The following ATP2C1 variants were observed in gnomAD, a reference collection of about 807,000 sequenced individuals.
The protein encoded by ATP2C1 is ATPase secretory pathway Ca2+ transporting 1.
ATP2C1 carries 31 observed loss-of-function variants against 120.5 expected under a neutral mutation model. The ratio of observed to expected loss-of-function variants is 0.26; its 90% CI spans 0.19 to 0.35. The LOEUF (loss-of-function observed/expected upper bound fraction) is 0.35, where lower values mean the gene tolerates loss of function less well. Ranked by LOEUF, ATP2C1 falls within the 10% of genes least tolerant of loss-of-function variation. The pLI is 1.00. For missense variants in ATP2C1, 731 were observed against 1,107.5 expected, an observed-to-expected ratio of 0.66 and a Z score of 4.83; for synonymous variants, 351 against 358.7, an observed-to-expected ratio of 0.98 and a Z score of 0.24.
intron 16 of ATP2C1, 37 bp downstream of exon 16, chr3:130,967,456 C>T: frequency 6.6e-7 from 1 of 1,525,646 alleles, no homozygotes; most frequent in Non-Finnish European, 9.1e-7. Flanking sequence ...ACATTTGAGA[C>T]ACTGCCCTCA....
chr3:130,994,909 G>A (rs62282196), intron 22 of ATP2C1, among the ~76,000 whole-genome samples: 2 of 152,136 alleles, frequency 1.3e-5, no homozygotes, highest in African/African-American at 2.4e-5. Context: ...TCAGCTAAAT[G>A]AATGAGATAA....
At chr3:131,016,160 C>G in exon 27 of ATP2C1, 4 of 1,613,782 alleles carry the variant, frequency 2.5e-6, no homozygotes, top group Non-Finnish European at 3.4e-6. Flanking sequence ...AGGTCTGGCT[C>G]TGGGAGAGGA....
intron 2 of ATP2C1, among the ~76,000 whole-genome samples, chr3:130,910,082 C>T (rs2058325942): frequency 1.3e-5 from 2 of 152,080 alleles, no homozygotes; most frequent in Admixed American, 1.3e-4. Context: ...GGTATATTGC[C>T]TCTTCTCGTT....
At chr3:131,014,033 A>C in intron 26 of ATP2C1, 1 of 1,488,438 alleles carries the variant, frequency 6.7e-7, no homozygotes, top group Non-Finnish European at 9.1e-7. Context: ...TATTAAATAC[A>C]TCTAGTTTGA....
chr3:130,981,086 A>G (rs2061737196), intron 20 of ATP2C1, among the ~76,000 whole-genome samples: 1 of 152,120 alleles, frequency 6.6e-6, no homozygotes, highest in African/African-American at 2.4e-5. Context: ...CGCCCATTTT[A>G]GTGTATAGTT....
At chr3:130,932,894 T>C (rs996520735) in intron 4 of ATP2C1, among the ~76,000 whole-genome samples, 1 of 152,230 alleles carries the variant, frequency 6.6e-6, no homozygotes, top group African/African-American at 2.4e-5. Flanking sequence ...TTTGCCAGGC[T>C]TAATTTTGCG....
At chr3:130,937,247 A>G (rs1314223435) in intron 5 of ATP2C1, among the ~76,000 whole-genome samples, 181 bp from the exon 6 acceptor site, 2 of 152,216 alleles carry the variant, frequency 1.3e-5, no homozygotes, top group African/African-American at 4.8e-5. Flanking sequence ...ATGGCAAGCC[A>G]CTGTAAACTG....
At chr3:130,920,803 C>T (rs1318066112) in intron 2 of ATP2C1, among the ~76,000 whole-genome samples, 3 of 151,992 alleles carry the variant, frequency 2.0e-5, no homozygotes, top group Non-Finnish European at 4.4e-5. Context: ...CTTAACAAAA[C>T]GTGAGCATAG....
At chr3:130,999,391 C>T in intron 26 of ATP2C1, 127 bp from the exon 27 acceptor site, 2 of 855,016 alleles carry the variant, frequency 2.3e-6, no homozygotes, top group Non-Finnish European at 3.8e-6. Context: ...TAAGATATTT[C>T]ATAGAATTGA....
rs2060765104 is a variant in ATP2C1 at position 130,960,352 on chromosome 3, A to G, written c.899+1011A>G. 2.0e-5 allele frequency among the ~76,000 whole-genome samples: 3 copies of G among 152,182 alleles called. No individual in the cohort carries two copies. The South Asian group carries it at 6.2e-4, about 32-fold the overall frequency. The stretch of plus-strand genomic sequence containing the variant: ...ACTCAAGTACAAGGAGATAAGGTCA[A>G]CCTTGTGAGTGTGGGATCTACCTTG... On this transcript the variant is annotated intron_variant, in intron 12 of 27. Transcript: ENST00000510168.
chr3:130,869,814 A>T (rs1335946343), intron 1 of ATP2C1, among the ~76,000 whole-genome samples: 1 of 152,234 alleles, frequency 6.6e-6, no homozygotes, highest in Non-Finnish European at 1.5e-5. Context: ...GTTTAAGGAA[A>T]GAAGCAATCT....
At chr3:130,940,718 TCTGCCC>T in intron 7 of ATP2C1, 27 bp downstream of exon 7, 1 of 1,561,548 alleles carries the variant, frequency 6.4e-7, no homozygotes, top group Non-Finnish European at 8.8e-7. Flanking sequence ...GGTATGGATT[TCTGCCC>T]CTTTAAAAAT....
chr3:130,869,864 TGGA>T (rs1260669487), intron 1 of ATP2C1, among the ~76,000 whole-genome samples: 1 of 152,222 alleles, frequency 6.6e-6, no homozygotes, highest in African/African-American at 2.4e-5. Context: ...CAAGGAGTGA[TGGA>T]GAAGTGGCAG....
chr3:130,996,636 G>C (rs372449282), intron 23 of ATP2C1, 44 bp from the exon 24 acceptor site: 1 of 1,288,198 alleles, frequency 7.8e-7, no homozygotes, highest in Non-Finnish European at 1.1e-6. Context: ...AGAATCAACA[G>C]ATTTACTCTA....
chr3:130,874,223 ACAGT>A (rs1241075644), intron 1 of ATP2C1, among the ~76,000 whole-genome samples: 5 of 152,320 alleles, frequency 3.3e-5, no homozygotes, highest in Non-Finnish European at 7.3e-5. Flanking sequence ...AGAATAAAAT[ACAGT>A]CAGTTATATA....
intron 20 of ATP2C1, among the ~76,000 whole-genome samples, chr3:130,984,923 G>A (rs986630655): frequency 6.7e-6 from 1 of 150,048 alleles, no homozygotes; most frequent in Admixed American, 6.6e-5. Context: ...ATGACAGAAA[G>A]ATATAACATA....
At chr3:130,865,633 C>T (rs1466263717) in intron 1 of ATP2C1, among the ~76,000 whole-genome samples, 3 of 152,170 alleles carry the variant, frequency 2.0e-5, no homozygotes, top group African/African-American at 4.8e-5. Flanking sequence ...GAGCTATTCT[C>T]ATGATAATGA....
intron 26 of ATP2C1, among the ~76,000 whole-genome samples, chr3:131,009,733 T>C (rs1045431551): frequency 3.9e-5 from 6 of 152,224 alleles, no homozygotes; most frequent in Admixed American, 3.3e-4. Flanking sequence ...CTCAGAAAGC[T>C]GTTGCTGAAA....
chr3:130,980,570 C>G lies in ATP2C1; in HGVS notation c.1742-12C>G, dbSNP rs574812146. On this transcript the variant is annotated splice_polypyrimidine_tract_variant and intron_variant, in intron 19 of 27. Transcript: ENST00000510168. ...ATTTGGTTTATTACATTTTCTCTCT[C>G]ATTTGCTTTAGCCAGTCGTCTGGGA... is the stretch of plus-strand genomic sequence containing the variant. The G allele has an allele frequency of 6.2e-7, 1 of 1,603,234 alleles. No individual in the cohort carries two copies. The highest frequency in any genetic ancestry group is 8.5e-7 in the Non-Finnish European group (1 of 1,170,532).
Sources: gnomAD v4.1 joint callset for allele counts (sites outside exome capture counted in the v4.1 genomes callset) on GRCh38, gnomAD v4.1.1 for gene constraint, MANE v1.5 for transcripts, NCBI Gene and HGNC (gene_info 2026-07-23, HGNC 2026-07-21) for gene names.